Variants in NMUR1 observed in about 807,000 individuals in gnomAD.
NMUR1 encodes the protein neuromedin-U receptor 1.
Under a neutral mutation model 18.8 loss-of-function variants are expected in NMUR1, and 16 were observed. That is an observed-to-expected ratio of 0.85 (90% CI 0.58 to 1.29). The LOEUF (loss-of-function observed/expected upper bound fraction) is 1.29. NMUR1 is among the 50% of genes most tolerant of loss of function. The pLI, the probability that NMUR1 is intolerant of heterozygous loss-of-function variation, is 0.00. For missense variants in NMUR1, 529 were observed against 580.3 expected (o/e 0.91, Z 0.91); for synonymous variants, 258 against 258.2 (o/e 1.00, Z 0.01).
In NMUR1 at chr2:231,528,165, G is replaced by A; in HGVS notation, c.856C>T (p.Gln286Ter). Reference protein sequence around the residue: ...AARSRYTCRLQQHDRGRRQVT... With the variant: ...AARSRYTCRL ...TGTCTCCGGCCCCGATCGTGCTGCT[G>A]GAGCCTGCAGGTGTATCTGGACCTG... Residue 286 changes from glutamine (Q) to a stop codon, truncating the protein, a stop_gained, in exon 2 of 3, where the codon CAG becomes TAG. Transcript: ENST00000305141. LOFTEE classifies it low-confidence loss of function (END_TRUNC). The A allele has an allele frequency of 1.3e-6, 2 of 1,577,650 alleles. No individual in the cohort carries two copies. The highest frequency in any genetic ancestry group is 1.7e-6 in the Non-Finnish European group (2 of 1,160,270).
At chr2:231,519,140 G>A (rs911076209), downstream of NMUR1, among the ~76,000 whole-genome samples, 1 of 152,234 alleles carries the variant, frequency 6.6e-6, no homozygotes, top group Non-Finnish European at 1.5e-5. Context: ...GATGAATGAT[G>A]CCTGTGTTGC....
downstream of NMUR1, among the ~76,000 whole-genome samples, chr2:231,521,969 T>TTCTCTC (rs555323595): frequency 0.12 from 14,694 of 117,718 alleles, 1,988 homozygotes; most frequent in East Asian, 0.36. Flanking sequence ...TTCTTTTTTT[T>TTCTCTC]TCTCTTTTTT....
chr2:231,529,550 A>G (rs888061882), intron 1 of NMUR1, among the ~76,000 whole-genome samples: 7 of 152,002 alleles, frequency 4.6e-5, no homozygotes, highest in African/African-American at 1.7e-4. Flanking sequence ...TTCATGATCT[A>G]TTGGAACCTT....
At chr2:231,518,527 A>AG (rs1415879992), downstream of NMUR1, among the ~76,000 whole-genome samples, 2 of 152,190 alleles carry the variant, frequency 1.3e-5, no homozygotes, top group Non-Finnish European at 2.9e-5. Context: ...ATTAAATTGA[A>AG]GGGGGGTAAT....
downstream of NMUR1, among the ~76,000 whole-genome samples, chr2:231,522,845 C>T (rs1477073268): frequency 1.3e-5 from 2 of 152,202 alleles, no homozygotes; most frequent in East Asian, 1.9e-4. Context: ...GCTCTCTGTC[C>T]GGGAGCCCCT....
In NMUR1 at chr2:231,530,370, C is replaced by T. The variant is rs530878351; in HGVS notation, c.-9G>A. The T allele has an allele frequency of 3.4e-6, 5 of 1,486,866 alleles. No individual in the cohort carries two copies. The highest frequency in any genetic ancestry group is 4.4e-6 in the Non-Finnish European group (5 of 1,125,854). The allele number at this position is 1,486,866 out of a possible 1,614,324, so 92.1% of individuals were successfully genotyped here. On this transcript the variant is annotated 5_prime_UTR_variant, in exon 1 of 3. Coordinates refer to ENST00000305141, the MANE Select transcript of NMUR1 (RefSeq NM_006056.5). ...GCCTGCGCACCTACCATGCGGCCCG[C>T]GGCCCGCGAGACCCCGGCTTCCACC...
downstream of NMUR1, among the ~76,000 whole-genome samples, chr2:231,521,973 C>CTCTCTTTTTTTTTTTTT (rs71396675): frequency 2.4e-5 from 2 of 83,828 alleles, no homozygotes. Flanking sequence ...TTTTTTTTCT[C>CTCTCTTTTTTTTTTTTT]TTTTTTTTTT....
Position 231,524,677 on chromosome 2 carries a change from G to A in NMUR1, c.*366C>T, listed in dbSNP as rs2047336696. The A allele has an allele frequency of 4.6e-6, 1 of 217,906 alleles. No individual in the cohort carries two copies. Among genetic ancestry groups the A allele is most frequent in the African/African-American group, 2.3e-5 (1 of 44,020 alleles). The allele number at this position is 217,906 out of a possible 1,614,324, so 13.5% of individuals were successfully genotyped here. ...CCTGCCAGAACCTGAACAGGAACTGGGAAGGACAGTGAGGACCCAGTGGGA... is the reference window on the plus strand; with the variant it reads ...CCTGCCAGAACCTGAACAGGAACTGAGAAGGACAGTGAGGACCCAGTGGGA... On this transcript the variant is annotated 3_prime_UTR_variant, in exon 3 of 3. Transcript: ENST00000305141.
In NMUR1 at chr2:231,527,748, T is replaced by C. The variant is rs969870312; in HGVS notation, c.898+375A>G. Reference sequence around the variant, plus strand: ...CCACATGCCCTGCCCTTTCTGTGTTTTGGTTCCAGAGCCAGGGCCCCAAGT... The same window carrying C: ...CCACATGCCCTGCCCTTTCTGTGTTCTGGTTCCAGAGCCAGGGCCCCAAGT... On this transcript the variant is annotated intron_variant, in intron 2 of 2. Transcript: ENST00000305141. Among the ~76,000 whole-genome samples the C allele has an allele frequency of 4.6e-5, 7 of 152,058 alleles. No homozygotes were observed. The East Asian group carries it at 1.3e-3, about 29-fold the overall frequency.
intron 1 of NMUR1, 46 bp downstream of exon 1, chr2:231,530,313 G>C (rs894689169): frequency 1.7e-5 from 25 of 1,498,822 alleles, no homozygotes; most frequent in Middle Eastern, 1.8e-4. Flanking sequence ...ACCGAGCCCC[G>C]GCCCAGCTGC....
At position 231,524,720 on chromosome 2, in the gene NMUR1, A is replaced by G; in HGVS notation, c.*323T>C. 3.6e-6 allele frequency: 1 copy of G among 278,118 alleles called. No homozygotes were observed. The highest frequency in any genetic ancestry group is 6.8e-6 in the Non-Finnish European group (1 of 146,634). The allele number at this position is 278,118 out of a possible 1,614,324, so 17.2% of individuals were successfully genotyped here. A position where few individuals can be genotyped will look rare whatever the true frequency, so the allele number is the denominator to read the frequency against. ...CAGTGGGACCGTTTCAGAAACTGGCAGTGGTGGCAGGGAGTCCCCAGAGGG... is the reference window on the plus strand; with the variant it reads ...CAGTGGGACCGTTTCAGAAACTGGCGGTGGTGGCAGGGAGTCCCCAGAGGG... On this transcript the variant is annotated 3_prime_UTR_variant, in exon 3 of 3. Transcript: ENST00000305141.
chr2:231,525,124 A>G lies in NMUR1; in HGVS notation c.1200T>C (p.Asp400=). 2 of 1,613,762 alleles carry G rather than the reference A, an allele frequency of 1.2e-6. No homozygotes were observed. Among genetic ancestry groups the G allele is most frequent in the Non-Finnish European group, 1.7e-6 (2 of 1,179,810 alleles). ...GGACCCAGCTGCCCAGGGAGCCCACATCACACAGGGTGCTGCCTGTGGTCA... is the reference window on the plus strand; with the variant it reads ...GGACCCAGCTGCCCAGGGAGCCCACGTCACACAGGGTGCTGCCTGTGGTCA... ...SRMTTGSTLC[D]VGSLGSWVHP... Residue 400 remains aspartate (D), a synonymous_variant, in exon 3 of 3, where the codon GAT becomes GAC. Transcript: ENST00000305141.
At chr2:231,525,678 G>T (rs955266735) in intron 2 of NMUR1, among the ~76,000 whole-genome samples, 3 of 152,238 alleles carry the variant, frequency 2.0e-5, no homozygotes, top group Non-Finnish European at 4.4e-5. Flanking sequence ...ACTGGACCAG[G>T]TGTGGACACC....
Position 231,528,220 on chromosome 2 carries a change from C to T in NMUR1, c.801G>A (p.Gln267=), listed in dbSNP as rs1357275880. The T allele has an allele frequency of 6.2e-7, 1 of 1,612,422 alleles. No homozygotes were observed. The highest frequency in any genetic ancestry group is 1.3e-5 in the African/African-American group (1 of 75,056). Residue 267 remains glutamine (Q), a synonymous_variant, in exon 2 of 3, where the codon CAG becomes CAA. Transcript: ENST00000305141. ...RLRRERLLLM[Q]EAKGRGSAAA... ...CTGCAGAGCCCCTGCCCTTGGCCTC[C>T]TGCATGAGCAGCAGCCTCTCCCGCC... is the stretch of plus-strand genomic sequence containing the variant.
downstream of NMUR1, among the ~76,000 whole-genome samples, chr2:231,521,070 A>G (rs763618691): frequency 1.3e-5 from 2 of 152,198 alleles, no homozygotes; most frequent in Non-Finnish European, 2.9e-5. Flanking sequence ...CTGGAAGTCT[A>G]GATGAGGTTA....
downstream of NMUR1, among the ~76,000 whole-genome samples, chr2:231,519,441 C>A (rs956083998): frequency 6.6e-6 from 1 of 152,220 alleles, no homozygotes; most frequent in South Asian, 2.1e-4. Context: ...ACAGAAAGAA[C>A]ATTTACTTTA....
chr2:231,527,360 G>C (rs1452678419), intron 2 of NMUR1, among the ~76,000 whole-genome samples: 5 of 152,314 alleles, frequency 3.3e-5, no homozygotes, highest in East Asian at 3.9e-4. Flanking sequence ...TAACCAAAGA[G>C]AGCCGGGTGC....
At chr2:231,527,977 C>CACACACAA in intron 2 of NMUR1, 146 bp downstream of exon 2, 1 of 695,748 alleles carries the variant, frequency 1.4e-6, no homozygotes, top group East Asian at 2.9e-5. Flanking sequence ...AACTCAGACA[C>CACACACAA]ACACACACAC....
At chr2:231,521,585 G>T (rs1279345950), downstream of NMUR1, among the ~76,000 whole-genome samples, 1 of 152,148 alleles carries the variant, frequency 6.6e-6, no homozygotes, top group African/African-American at 2.4e-5. Flanking sequence ...GTCACCCATG[G>T]ACTCTGACGT....
Sources: allele counts gnomAD v4.1 joint callset (sites outside exome capture counted in the v4.1 genomes callset), GRCh38; gene constraint gnomAD v4.1.1; transcripts MANE v1.5; gene names NCBI Gene and HGNC (gene_info 2026-07-23, HGNC 2026-07-21).